The following ACAP2 variants were observed in gnomAD, a reference collection of about 807,000 sequenced individuals.
ACAP2 encodes the protein ArfGAP with coiled-coil, ankyrin repeat and PH domains 2.
ACAP2 carries 39 observed loss-of-function variants against 115.8 expected under a neutral mutation model. The ratio of observed to expected loss-of-function variants is 0.34; its 90% confidence interval spans 0.26 to 0.44. The LOEUF is 0.44. Ranked by LOEUF, ACAP2 falls within the 20% of genes least tolerant of loss-of-function variation. The pLI, the probability that ACAP2 is intolerant of heterozygous loss-of-function variation, is 1.00. For synonymous variants in ACAP2, 289 were observed against 315.8 expected (o/e 0.92, Z 0.90); for missense variants, 662 against 927.6 (o/e 0.71, Z 3.72).
At chr3:195,367,495 G>A (rs542624459) in intron 4 of ACAP2, among the ~76,000 whole-genome samples, 1 of 152,130 alleles carries the variant, frequency 6.6e-6, no homozygotes, top group Non-Finnish European at 1.5e-5. Flanking sequence ...GGTATTGAAA[G>A]GCAACCTATA....
intron 4 of ACAP2, among the ~76,000 whole-genome samples, chr3:195,374,808 G>A (rs943629794): frequency 2.0e-5 from 3 of 150,878 alleles, no homozygotes; most frequent in South Asian, 2.2e-4. Context: ...TCCGCCTCCC[G>A]GGTTCATGCC....
chr3:195,316,269 T>C (rs748701666), intron 10 of ACAP2, among the ~76,000 whole-genome samples: 4 of 151,984 alleles, frequency 2.6e-5, no homozygotes, highest in Non-Finnish European at 5.9e-5. Flanking sequence ...AGAAGACTAC[T>C]GTCTTACTTT....
intron 2 of ACAP2, among the ~76,000 whole-genome samples, chr3:195,387,988 T>C (rs1734413329): frequency 6.6e-6 from 1 of 152,186 alleles, no homozygotes; most frequent in Non-Finnish European, 1.5e-5. Flanking sequence ...TCCAAGGCCA[T>C]ATTGCTAGTA....
At chr3:195,346,043 C>T (rs1207652253) in intron 4 of ACAP2, among the ~76,000 whole-genome samples, 1 of 152,088 alleles carries the variant, frequency 6.6e-6, no homozygotes, top group Admixed American at 6.6e-5. Context: ...AAAAGAAAAT[C>T]CTCCATTCTT....
intron 4 of ACAP2, among the ~76,000 whole-genome samples, chr3:195,355,163 A>G (rs1731871072): frequency 6.6e-6 from 1 of 152,122 alleles, no homozygotes; most frequent in Non-Finnish European, 1.5e-5. Context: ...TGTAGGCTAT[A>G]TACTTTTAAT....
chr3:195,364,818 T>A (rs922077639), intron 4 of ACAP2, among the ~76,000 whole-genome samples: 1 of 152,176 alleles, frequency 6.6e-6, no homozygotes, highest in Non-Finnish European at 1.5e-5. Flanking sequence ...CAAAGAGATA[T>A]ATGCATTCTC....
At chr3:195,287,316 A>T (rs1284227162) in intron 21 of ACAP2, among the ~76,000 whole-genome samples, 1 of 152,262 alleles carries the variant, frequency 6.6e-6, no homozygotes, top group Admixed American at 6.5e-5. Context: ...AAGACCTCAA[A>T]ATTATTTAAA....
intron 4 of ACAP2, chr3:195,355,990 AG>A (rs1360560576): frequency 9.7e-6 from 4 of 411,696 alleles, no homozygotes; most frequent in African/African-American, 8.1e-5. Flanking sequence ...TCCTCCCTGC[AG>A]GAACACCAAA....
intron 2 of ACAP2, among the ~76,000 whole-genome samples, chr3:195,383,413 A>C (rs927898830): frequency 2.0e-5 from 3 of 152,130 alleles, no homozygotes; most frequent in Admixed American, 6.6e-5. Flanking sequence ...TACTCCAGCC[A>C]GTGGGGGAAA....
intron 1 of ACAP2, among the ~76,000 whole-genome samples, chr3:195,425,151 G>C (rs1163370002): frequency 6.7e-6 from 1 of 150,222 alleles, no homozygotes; most frequent in African/African-American, 2.4e-5. Context: ...AAATGTTTGT[G>C]AAATTAAATA....
At chr3:195,417,916 G>A (rs1014944770) in intron 1 of ACAP2, among the ~76,000 whole-genome samples, 7 of 151,894 alleles carry the variant, frequency 4.6e-5, no homozygotes, top group African/African-American at 1.7e-4. Context: ...ACCCCAGCCT[G>A]GGTGACAGAG....
At chr3:195,313,701 T>C (rs1728905106) in intron 10 of ACAP2, among the ~76,000 whole-genome samples, 1 of 152,230 alleles carries the variant, frequency 6.6e-6, no homozygotes, top group South Asian at 2.1e-4. Context: ...TTAGCTGTAT[T>C]TTCTATTTCA....
chr3:195,424,657 G>A (rs1193909762), intron 1 of ACAP2, among the ~76,000 whole-genome samples: 12 of 151,576 alleles, frequency 7.9e-5, no homozygotes, highest in Non-Finnish European at 1.2e-4. Context: ...GGTGGTTCAC[G>A]CCTATAATCC....
At chr3:195,306,781 G>T in intron 12 of ACAP2, 165 bp from the exon 13 acceptor site, 3 of 406,646 alleles carry the variant, frequency 7.4e-6, no homozygotes, top group Non-Finnish European at 1.3e-5. Flanking sequence ...GGCAAAGTAT[G>T]TTAACGAAGA....
At chr3:195,430,337 A>G (rs1715021468) in intron 1 of ACAP2, among the ~76,000 whole-genome samples, 2 of 152,212 alleles carry the variant, frequency 1.3e-5, no homozygotes, top group Admixed American at 1.3e-4. Context: ...GTAGTTACAT[A>G]ATTTTTTTAA....
chr3:195,280,718 T>C (rs1338552231), intron 22 of ACAP2: 1 of 152,148 alleles, frequency 6.6e-6, no homozygotes, highest in Non-Finnish European at 1.5e-5. Context: ...AGAAACTAAA[T>C]ATACACACAC....
chr3:195,402,903 G>A (rs1393816854), intron 1 of ACAP2, among the ~76,000 whole-genome samples: 2 of 152,106 alleles, frequency 1.3e-5, no homozygotes, highest in Admixed American at 6.6e-5. Flanking sequence ...TGGAATATAA[G>A]AAGAAAATAA....
At chr3:195,319,140 A>G (rs1222206474) in intron 10 of ACAP2, among the ~76,000 whole-genome samples, 1 of 152,196 alleles carries the variant, frequency 6.6e-6, no homozygotes, top group East Asian at 1.9e-4. Flanking sequence ...TATTAGGCCT[A>G]TAGATGCATG....
chr3:195,325,904 G>A (rs549277959), intron 9 of ACAP2, among the ~76,000 whole-genome samples: 14 of 152,172 alleles, frequency 9.2e-5, no homozygotes, highest in African/African-American at 3.1e-4. Flanking sequence ...AAAATAAAAC[G>A]TGGAGTTTGT....
Sources: gnomAD v4.1 joint callset for allele counts (sites outside exome capture counted in the v4.1 genomes callset) on GRCh38, gnomAD v4.1.1 for gene constraint, MANE v1.5 for transcripts, NCBI Gene and HGNC (gene_info 2026-07-23, HGNC 2026-07-21) for gene names.